The following PARD3 variants were observed in gnomAD, a reference collection of about 807,000 sequenced individuals.
The protein encoded by PARD3 is partitioning defective 3 homolog.
Under a neutral mutation model 155.4 loss-of-function variants are expected in PARD3, and 75 were observed. The observed-to-expected ratio is 0.48, with a 90% CI of 0.40 to 0.58. PARD3 has a LOEUF of 0.58. Ranked by LOEUF, PARD3 falls within the 20% of genes least tolerant of loss-of-function variation. PARD3 has a pLI of 0.00. For missense variants in PARD3, 1,642 were observed against 1,721.7 expected (o/e 0.95, Z 0.82); for synonymous variants, 576 against 610.5 (o/e 0.94, Z 0.83).
chr10:34,197,306 C>A (rs1950992582), intron 22 of PARD3, among the ~76,000 whole-genome samples: 1 of 152,166 alleles, frequency 6.6e-6, no homozygotes, highest in East Asian at 1.9e-4. Flanking sequence ...ACTACTCAAT[C>A]TGAGGGAACT....
chr10:34,407,465 A>G (rs1844610568), intron 5 of PARD3, among the ~76,000 whole-genome samples: 5 of 152,224 alleles, frequency 3.3e-5, no homozygotes, highest in Admixed American at 3.3e-4. Context: ...CATGGCTGAA[A>G]AGCCTCATGC....
intron 20 of PARD3, among the ~76,000 whole-genome samples, chr10:34,307,619 T>C (rs181924883): frequency 1.3e-5 from 2 of 152,252 alleles, no homozygotes; most frequent in African/African-American, 2.4e-5. Context: ...TACACTGGCG[T>C]TGAAGGCTGC....
At chr10:34,365,441 T>C (rs1016974254) in intron 12 of PARD3, among the ~76,000 whole-genome samples, 2 of 152,216 alleles carry the variant, frequency 1.3e-5, no homozygotes, top group African/African-American at 4.8e-5. Context: ...AATTAATGTC[T>C]GCCTTCAAAG....
intron 7 of PARD3, among the ~76,000 whole-genome samples, chr10:34,393,150 T>TAAA (rs34936875): frequency 1.5e-5 from 2 of 133,838 alleles, no homozygotes; most frequent in African/African-American, 5.7e-5. Context: ...TACTAGATCT[T>TAAA]AAAAAAAAAA....
chr10:34,635,340 G>A (rs1265452401), intron 2 of PARD3, among the ~76,000 whole-genome samples: 1 of 152,224 alleles, frequency 6.6e-6, no homozygotes, highest in Non-Finnish European at 1.5e-5. Context: ...GTCTGAGCGA[G>A]AGATGCCAGG....
chr10:34,666,796 AATATATAT>A (rs1204976062), intron 2 of PARD3, among the ~76,000 whole-genome samples: 1 of 66,930 alleles, frequency 1.5e-5, no homozygotes, highest in South Asian at 5.6e-4. Context: ...AAAAAAAAAA[AATATATAT>A]ATATATATAT....
chr10:34,708,861 A>G (rs568491409), intron 1 of PARD3, among the ~76,000 whole-genome samples: 1 of 152,294 alleles, frequency 6.6e-6, no homozygotes, highest in African/African-American at 2.4e-5. Context: ...TTTTAATATG[A>G]GCTCAATATG....
At chr10:34,649,137 G>A (rs1445714807) in intron 2 of PARD3, among the ~76,000 whole-genome samples, 8 of 152,254 alleles carry the variant, frequency 5.3e-5, no homozygotes, top group African/African-American at 1.7e-4. Flanking sequence ...CGCTTAACAG[G>A]GGCACACTCA....
At chr10:34,613,789 T>C (rs561832329) in intron 2 of PARD3, among the ~76,000 whole-genome samples, 2 of 152,340 alleles carry the variant, frequency 1.3e-5, no homozygotes, top group South Asian at 4.1e-4. Context: ...TCTCAGTTTA[T>C]GGGAGAAACC....
At chr10:34,378,719 A>AC (rs1445074238) in intron 9 of PARD3, among the ~76,000 whole-genome samples, 3 of 151,916 alleles carry the variant, frequency 2.0e-5, no homozygotes, top group Admixed American at 6.6e-5. Flanking sequence ...TTCCTTCACC[A>AC]CCCCCCACTC....
intron 2 of PARD3, among the ~76,000 whole-genome samples, chr10:34,662,684 C>T (rs1391942805): frequency 6.6e-6 from 1 of 152,042 alleles, no homozygotes; most frequent in East Asian, 1.9e-4. Flanking sequence ...CCAGCCTGGC[C>T]AACATGGTGA....
At chr10:34,124,453 ACT>A (rs1947170361) in intron 23 of PARD3, among the ~76,000 whole-genome samples, 2 of 152,106 alleles carry the variant, frequency 1.3e-5, no homozygotes, top group Non-Finnish European at 2.9e-5. Context: ...TCAACTGTTG[ACT>A]CTGTTGAAAA....
At chr10:34,625,240 G>A (rs1436101802) in intron 2 of PARD3, among the ~76,000 whole-genome samples, 1 of 152,244 alleles carries the variant, frequency 6.6e-6, no homozygotes, top group African/African-American at 2.4e-5. Context: ...AGCAAGTTAA[G>A]ACTTTACAGT....
At chr10:34,734,421 C>T (rs553230178) in intron 1 of PARD3, among the ~76,000 whole-genome samples, 158 of 148,196 alleles carry the variant, frequency 1.1e-3, no homozygotes, top group African/African-American at 3.8e-3. Context: ...CTGCAAGCTC[C>T]GCCTCCTGGG....
chr10:34,578,965 C>A (rs888816430), intron 2 of PARD3, among the ~76,000 whole-genome samples: 1 of 152,142 alleles, frequency 6.6e-6, no homozygotes, highest in Admixed American at 6.6e-5. Flanking sequence ...TTCAAGATAT[C>A]TGCTTATTCA....
chr10:34,399,977 G>T (rs901160908), intron 6 of PARD3, among the ~76,000 whole-genome samples: 9 of 152,194 alleles, frequency 5.9e-5, no homozygotes, highest in Non-Finnish European at 1.5e-5. Context: ...GTAAGTGACA[G>T]TCCAAGGGAG....
chr10:34,478,667 C>T (rs1345924996), intron 3 of PARD3, among the ~76,000 whole-genome samples: 1 of 152,172 alleles, frequency 6.6e-6, no homozygotes. Context: ...CCTCAGCCTT[C>T]CGAGTAGCTG....
At chr10:34,654,349 T>C (rs1020663486) in intron 2 of PARD3, among the ~76,000 whole-genome samples, 2 of 152,216 alleles carry the variant, frequency 1.3e-5, no homozygotes, top group Admixed American at 6.5e-5. Flanking sequence ...ATTGTTATCA[T>C]GATTTTACAG....
In PARD3 at chr10:34,184,574, T is replaced by C. The variant is rs574199630; in HGVS notation, c.3420-52991A>G. Among the ~76,000 whole-genome samples, 3 of 152,252 alleles carry C rather than the reference T, an allele frequency of 2.0e-5. No homozygotes were observed. The South Asian group carries it at 6.2e-4, about 32-fold the overall frequency. ...CCAATGGGGCAGACTGCCCAGAGCGTTTATTCATGCCTTATAAGAAAACCA... is the reference window on the plus strand; with the variant it reads ...CCAATGGGGCAGACTGCCCAGAGCGCTTATTCATGCCTTATAAGAAAACCA... On this transcript the variant is annotated intron_variant, in intron 22 of 24. Coordinates refer to ENST00000374788, the MANE Select transcript of PARD3 (RefSeq NM_001184785.2).
Sources: allele counts gnomAD v4.1 joint callset (sites outside exome capture counted in the v4.1 genomes callset), GRCh38; gene constraint gnomAD v4.1.1; transcripts MANE v1.5; gene names NCBI Gene and HGNC (gene_info 2026-07-23, HGNC 2026-07-21).